ELP4: variants seen among roughly 807,000 people sequenced by gnomAD.
ELP4 encodes elongator acetyltransferase complex subunit 4, also known as elongator complex protein 4.
ELP4 carries 51 observed loss-of-function variants against 48.9 expected under a neutral mutation model. That is an observed-to-expected ratio of 1.04 (90% CI 0.83 to 1.32). The LOEUF (loss-of-function observed/expected upper bound fraction) is 1.32. Among genes scored for constraint, ELP4 ranks in the 40% most tolerant of loss-of-function variants. The pLI, the probability that ELP4 is intolerant of heterozygous loss-of-function variation, is 0.00. For missense variants in ELP4, 519 were observed against 514.6 expected, an observed-to-expected ratio of 1.01 and a Z score of -0.08; for synonymous variants, 210 against 189.2, an observed-to-expected ratio of 1.11 and a Z score of -0.90.
Position 31,741,701 on chromosome 11 carries a change from A to C in ELP4, c.1144-41692A>C, listed in dbSNP as rs545833205. On this transcript the variant is annotated intron_variant, in intron 9 of 9. Transcript: ENST00000640961. The stretch of plus-strand genomic sequence containing the variant: ...GCTGAGGGTCCTGTCTGTTAGAAGG[A>C]AAACTAACAAACAGAAAGGACATCA... 7.9e-5 allele frequency among the ~76,000 whole-genome samples: 12 copies of C among 152,320 alleles called. No homozygotes were observed. The South Asian group carries it at 2.5e-3, about 32-fold the overall frequency.
chr11:31,708,431 T>C (rs1229730883), intron 9 of ELP4, among the ~76,000 whole-genome samples: 1 of 152,206 alleles, frequency 6.6e-6, no homozygotes, highest in Non-Finnish European at 1.5e-5. Context: ...ATTATACACA[T>C]TTAAGATTAT....
chr11:31,697,819 G>A (rs1274946338), intron 9 of ELP4, among the ~76,000 whole-genome samples: 1 of 151,934 alleles, frequency 6.6e-6, no homozygotes, highest in Non-Finnish European at 1.5e-5. Context: ...ATTAACAAAA[G>A]CAGCTGATGA....
At chr11:31,657,844 A>C (rs1945469792) in intron 9 of ELP4, among the ~76,000 whole-genome samples, 1 of 152,032 alleles carries the variant, frequency 6.6e-6, no homozygotes, top group Non-Finnish European at 1.5e-5. Flanking sequence ...AACTCTGTTA[A>C]TTATTATTAA....
At chr11:31,780,577 A>G (rs976499591) in intron 9 of ELP4, 1 of 152,242 alleles carries the variant, frequency 6.6e-6, no homozygotes, top group African/African-American at 2.4e-5. Flanking sequence ...TTTTATGCTC[A>G]GAAGTCTCAC....
At chr11:31,752,327 C>A (rs1947738643) in intron 9 of ELP4, among the ~76,000 whole-genome samples, 1 of 152,100 alleles carries the variant, frequency 6.6e-6, no homozygotes, top group African/African-American at 2.4e-5. Flanking sequence ...AGTTCCTATC[C>A]TGATAAAGGG....
rs920653713 is a variant in ELP4 at position 31,643,615 on chromosome 11, G to T, written c.928-4126G>T. Among the ~76,000 whole-genome samples the T allele has an allele frequency of 4.0e-5, 6 of 151,736 alleles. No homozygotes were observed. The South Asian group carries it at 1.2e-3, about 31-fold the overall frequency. On this transcript the variant is annotated intron_variant, in intron 7 of 9. Transcript: ENST00000640961. ...TTAGAAAATTGTAGGAGCTTTAAAT[G>T]GCAGTGATTAAATTTTTATCTCTTA... is the stretch of plus-strand genomic sequence containing the variant.
chr11:31,692,144 T>G (rs1353398088), intron 9 of ELP4, among the ~76,000 whole-genome samples: 2 of 152,188 alleles, frequency 1.3e-5, no homozygotes, highest in African/African-American at 4.8e-5. Context: ...CTGCTCTGGT[T>G]GAATTGGAAA....
At chr11:31,681,582 T>C (rs929881530) in intron 9 of ELP4, among the ~76,000 whole-genome samples, 8 of 152,114 alleles carry the variant, frequency 5.3e-5, no homozygotes, top group African/African-American at 1.4e-4. Context: ...AGATGTTACA[T>C]CTGTTTGAAG....
intron 5 of ELP4, among the ~76,000 whole-genome samples, chr11:31,623,187 A>T (rs545285150): frequency 6.6e-6 from 1 of 150,660 alleles, no homozygotes; most frequent in South Asian, 2.1e-4. Flanking sequence ...AAACATTAAT[A>T]AAGAAGCCAG....
intron 3 of ELP4, among the ~76,000 whole-genome samples, chr11:31,546,456 C>G (rs1956719137): frequency 6.6e-6 from 1 of 152,022 alleles, no homozygotes; most frequent in South Asian, 2.1e-4. Flanking sequence ...ATATATGCAC[C>G]CAATACAGGA....
At chr11:31,510,796 CTG>C (rs1045758749) in intron 1 of ELP4, 5 of 158,886 alleles carry the variant, frequency 3.1e-5, no homozygotes, top group African/African-American at 9.6e-5. Context: ...TGTTTCATAA[CTG>C]TTATATTCAA....
intron 9 of ELP4, chr11:31,763,559 T>C (rs1266801835): frequency 2.5e-6 from 4 of 1,572,414 alleles, no homozygotes; most frequent in Non-Finnish European, 3.4e-6. Context: ...GGTATGGGCT[T>C]TCCCTTTTTT....
At chr11:31,712,186 A>G (rs1946754895) in intron 9 of ELP4, among the ~76,000 whole-genome samples, 1 of 152,072 alleles carries the variant, frequency 6.6e-6, no homozygotes, top group Admixed American at 6.6e-5. Flanking sequence ...TGGCAATACT[A>G]GACACCAACA....
chr11:31,585,949 G>A (rs567216542), intron 3 of ELP4, among the ~76,000 whole-genome samples: 12 of 152,150 alleles, frequency 7.9e-5, no homozygotes, highest in African/African-American at 1.2e-4. Context: ...GCCAGGATTG[G>A]TGGCATGTGC....
intron 7 of ELP4, 160 bp downstream of exon 7, chr11:31,632,565 T>G: frequency 2.0e-6 from 1 of 506,204 alleles, no homozygotes; most frequent in South Asian, 4.7e-5. Flanking sequence ...TGTCCATTTT[T>G]TTATTGATAG....
chr11:31,733,601 T>C (rs966533462), intron 9 of ELP4, among the ~76,000 whole-genome samples: 16 of 151,816 alleles, frequency 1.1e-4, no homozygotes, highest in African/African-American at 3.9e-4. Flanking sequence ...AATTGGATCA[T>C]GTGGAAAACA....
intron 4 of ELP4, among the ~76,000 whole-genome samples, chr11:31,597,354 C>T (rs1957687616): frequency 6.6e-6 from 1 of 151,988 alleles, no homozygotes; most frequent in South Asian, 2.1e-4. Flanking sequence ...ACAGATATAG[C>T]CTAGCTTGGA....
At chr11:31,526,289 T>C (rs1048285374) in intron 2 of ELP4, among the ~76,000 whole-genome samples, 5 of 152,108 alleles carry the variant, frequency 3.3e-5, no homozygotes, top group African/African-American at 1.2e-4. Context: ...AAATCCCTTA[T>C]GGGGCTGTTC....
chr11:31,707,243 G>T (rs1433598975), intron 9 of ELP4: 1 of 364,080 alleles, frequency 2.7e-6, no homozygotes, highest in Non-Finnish European at 4.9e-6. Flanking sequence ...ATAATTTCAT[G>T]TAAGTATATA....
Sources: gnomAD v4.1 joint callset for allele counts (sites outside exome capture counted in the v4.1 genomes callset) on GRCh38, gnomAD v4.1.1 for gene constraint, MANE v1.5 for transcripts, NCBI Gene and HGNC (gene_info 2026-07-23, HGNC 2026-07-21) for gene names.